The following ABCB5 variants were observed in gnomAD, a reference collection of about 807,000 sequenced individuals.
ABCB5 encodes the protein ATP binding cassette subfamily B member 5.
In ABCB5, 155 loss-of-function variants were observed where a neutral mutation model predicts 144.2. That is an observed-to-expected ratio of 1.08 (90% CI 0.94 to 1.23). The LOEUF (loss-of-function observed/expected upper bound fraction) is 1.23, where lower values mean the gene tolerates loss of function less well. Ranked by LOEUF, ABCB5 falls within the 50% of genes most tolerant of loss-of-function variation. ABCB5 has a pLI of 0.00. For synonymous variants in ABCB5, 610 were observed against 528.6 expected (o/e 1.15, Z -2.11); for missense variants, 1,830 against 1,520.8 (o/e 1.20, Z -3.38).
At chr7:20,643,735 C>A in intron 7 of ABCB5, 103 bp downstream of exon 7, 1 of 1,264,202 alleles carries the variant, frequency 7.9e-7, no homozygotes, top group Non-Finnish European at 1.1e-6. Context: ...TTGCCATGTC[C>A]CAAACTACAA....
At chr7:20,661,416 C>T (rs1432788861) in intron 14 of ABCB5, among the ~76,000 whole-genome samples, 1 of 152,226 alleles carries the variant, frequency 6.6e-6, no homozygotes, top group Non-Finnish European at 1.5e-5. Flanking sequence ...GCATCCCCAC[C>T]TCTAGAACAA....
chr7:20,728,257 T>C, intron 22 of ABCB5, 58 bp from the exon 23 acceptor site: 2 of 1,577,040 alleles, frequency 1.3e-6, no homozygotes, highest in Non-Finnish European at 1.7e-6. Flanking sequence ...TCTACATGTA[T>C]TCAATTGACC....
At chr7:20,729,727 ATTATG>A (rs1415536275) in intron 23 of ABCB5, among the ~76,000 whole-genome samples, 1 of 152,224 alleles carries the variant, frequency 6.6e-6, no homozygotes. Context: ...AAAAAGTAAC[ATTATG>A]TTATTTTTAA....
At chr7:20,672,995 G>A (rs1353991279) in intron 14 of ABCB5, among the ~76,000 whole-genome samples, 3 of 151,284 alleles carry the variant, frequency 2.0e-5, no homozygotes, top group Non-Finnish European at 4.4e-5. Context: ...AGTTTAACTT[G>A]CCCTTCTTTT....
At chr7:20,638,938 T>A (rs1029256819) in intron 5 of ABCB5, among the ~76,000 whole-genome samples, 8 of 152,222 alleles carry the variant, frequency 5.3e-5, no homozygotes, top group African/African-American at 1.9e-4. Context: ...ACTGCCAAAC[T>A]GTTTTTTCAA....
At chr7:20,630,036 T>C (rs1187358900) in intron 4 of ABCB5, among the ~76,000 whole-genome samples, 1 of 151,796 alleles carries the variant, frequency 6.6e-6, no homozygotes, top group Non-Finnish European at 1.5e-5. Context: ...CGTGTATCGT[T>C]TGTAGCCTCC....
In ABCB5 at chr7:20,756,997, T is replaced by C. The variant is rs1246202836; in HGVS notation, c.*1373T>C. 1 of 152,374 alleles carries C rather than the reference T, an allele frequency of 6.6e-6. No homozygotes were observed. The highest frequency in any genetic ancestry group is 2.4e-5 in the African/African-American group (1 of 41,464). 9.4% of individuals were successfully genotyped at this position (152,374 alleles called of 1,614,324 possible). On this transcript the variant is annotated 3_prime_UTR_variant, in exon 28 of 28. Transcript: ENST00000404938. The stretch of plus-strand genomic sequence containing the variant: ...TTTAAAATGCAAAATAAAAATAAGA[T>C]TGGGGACTTGAGAATCAGATGCATT...
chr7:20,718,430 G>C (rs941131765), intron 20 of ABCB5, among the ~76,000 whole-genome samples: 2 of 152,146 alleles, frequency 1.3e-5, no homozygotes, highest in Admixed American at 1.3e-4. Context: ...ACTTAACCAG[G>C]CTACCTTGTC....
intron 4 of ABCB5, 122 bp from the exon 5 acceptor site, chr7:20,631,937 C>A (rs546662650): frequency 1.1e-5 from 5 of 450,190 alleles, no homozygotes; most frequent in Admixed American, 8.4e-5. Context: ...TAATAAACTG[C>A]GTGTGGGCAG....
At chr7:20,689,050 G>A (rs1021993828) in intron 16 of ABCB5, among the ~76,000 whole-genome samples, 2 of 151,934 alleles carry the variant, frequency 1.3e-5, no homozygotes, top group African/African-American at 2.4e-5. Context: ...ACACCAACAT[G>A]GCACATGTAT....
At chr7:20,662,094 C>G (rs1338604590) in intron 14 of ABCB5, among the ~76,000 whole-genome samples, 2 of 152,154 alleles carry the variant, frequency 1.3e-5, no homozygotes, top group Non-Finnish European at 2.9e-5. Flanking sequence ...TGTGATAAAG[C>G]CTGTGAAAGC....
chr7:20,736,420 G>A (rs1782381093), intron 23 of ABCB5, among the ~76,000 whole-genome samples: 1 of 152,148 alleles, frequency 6.6e-6, no homozygotes, highest in African/African-American at 2.4e-5. Context: ...GTTTCACCAT[G>A]TTGGCCAGGC....
In ABCB5 at chr7:20,616,202, A is replaced by AT. The variant is rs1332173817; in HGVS notation, c.-22+372dup. On this transcript the variant is annotated intron_variant, in intron 1 of 27. Transcript: ENST00000404938. ...AGGTGCCCAGCACCATGCCCAGCTAATTTTTTTATTTTTAGTAGAGATGGG... is the reference window on the plus strand; with the variant it reads ...AGGTGCCCAGCACCATGCCCAGCTAATTTTTTTTATTTTTAGTAGAGATGGG... Among the ~76,000 whole-genome samples the AT allele has an allele frequency of 5.3e-5, 8 of 152,168 alleles. No individual in the cohort carries two copies. The East Asian group carries it at 1.5e-3, about 29-fold the overall frequency.
At chr7:20,662,856 G>A in intron 14 of ABCB5, among the ~76,000 whole-genome samples, 1 of 152,000 alleles carries the variant, frequency 6.6e-6, no homozygotes, top group East Asian at 1.9e-4. Flanking sequence ...CTTTAGAGAA[G>A]TATACAAATT....
chr7:20,691,920 A>G (rs1339405191), intron 16 of ABCB5, among the ~76,000 whole-genome samples: 1 of 151,914 alleles, frequency 6.6e-6, no homozygotes, highest in African/African-American at 2.4e-5. Flanking sequence ...AAAAAAGGAG[A>G]AAAAAAATGT....
Position 20,711,894 on chromosome 7 carries a change from T to C in ABCB5, c.2421+7087T>C, listed in dbSNP as rs553912954. 8.7e-3 allele frequency among the ~76,000 whole-genome samples: 956 copies of C among 110,160 alleles called. 90 individuals carry two copies. Among genetic ancestry groups the C allele is most frequent in the African/African-American group, 0.03 (859 of 28,822 alleles). 72.3% of individuals were successfully genotyped at this position (110,160 alleles called of 152,430 possible). On this transcript the variant is annotated intron_variant, in intron 20 of 27. Transcript: ENST00000404938. ...CCTCCCTCCCTCCCTCCCTCCCTCC[T>C]TCCTTCCTTCCTTCCTTTCTTTCTC...
At chr7:20,744,727 C>T (rs1251982408) in intron 25 of ABCB5, among the ~76,000 whole-genome samples, 2 of 151,462 alleles carry the variant, frequency 1.3e-5, no homozygotes, top group Admixed American at 1.3e-4. Flanking sequence ...CAAACCTGTA[C>T]GTTGTGCACA....
intron 2 of ABCB5, among the ~76,000 whole-genome samples, chr7:20,624,220 T>A (rs1184674240): frequency 1.3e-5 from 2 of 152,244 alleles, no homozygotes. Context: ...AAGCATTACC[T>A]GTGGACTGAC....
At chr7:20,694,871 G>C (rs1404758148) in intron 16 of ABCB5, among the ~76,000 whole-genome samples, 1 of 151,746 alleles carries the variant, frequency 6.6e-6, no homozygotes, top group Non-Finnish European at 1.5e-5. Flanking sequence ...AAATTATAGG[G>C]AATAAATGTG....
Sources: gnomAD v4.1 joint callset for allele counts (sites outside exome capture counted in the v4.1 genomes callset) on GRCh38, gnomAD v4.1.1 for gene constraint, MANE v1.5 for transcripts, NCBI Gene and HGNC (gene_info 2026-07-23, HGNC 2026-07-21) for gene names.